PTPRD: variants seen among roughly 807,000 people sequenced by gnomAD.
PTPRD encodes receptor-type tyrosine-protein phosphatase delta.
A neutral mutation model predicts 214.5 loss-of-function variants in PTPRD; 34 were observed. That is an observed-to-expected ratio of 0.16 (90% CI 0.12 to 0.21). The LOEUF (loss-of-function observed/expected upper bound fraction) is 0.21, where lower values mean the gene tolerates loss of function less well. PTPRD is among the 10% of genes least tolerant of loss of function. The probability of loss-of-function intolerance (pLI) is 1.00; values close to 1 mark genes in which losing one functional copy is unlikely to be tolerated. For missense variants in PTPRD, 2,545 were observed against 2,398.7 expected, an observed-to-expected ratio of 1.06 and a Z score of -1.27; for synonymous variants, 1,128 against 845.7, an observed-to-expected ratio of 1.33 and a Z score of -5.79.
intron 3 of PTPRD, among the ~76,000 whole-genome samples, chr9:10,206,375 T>C (rs565482188): frequency 1.3e-5 from 2 of 152,226 alleles, no homozygotes; most frequent in South Asian, 2.1e-4. Context: ...TCATCTGGAG[T>C]AATCAAGCAA....
At chr9:10,502,045 G>A (rs537686645) in intron 2 of PTPRD, among the ~76,000 whole-genome samples, 80 of 151,800 alleles carry the variant, frequency 5.3e-4, no homozygotes, top group African/African-American at 1.9e-3. Context: ...GAAGAAAATC[G>A]AGCTTAATTT....
rs1432474564 is a variant in PTPRD, at chr9:10,573,795, A to G, written c.-600+38603T>C. On this transcript the variant is annotated intron_variant, in intron 2 of 45. Coordinates refer to ENST00000381196, the MANE Select transcript of PTPRD (RefSeq NM_002839.4). ...AGTTGAAGGAGTAGGAAAGAGAAGA[A>G]AGGCAAATGTGAGAGAAGCGGAATT... 6.6e-5 allele frequency among the ~76,000 whole-genome samples: 10 copies of G among 152,308 alleles called. No homozygotes were observed. In the East Asian group the frequency reaches 1.9e-3, roughly 29 times the overall value.
chr9:10,081,759 C>T (rs570865219), intron 3 of PTPRD, among the ~76,000 whole-genome samples: 166 of 152,110 alleles, frequency 1.1e-3, no homozygotes, highest in African/African-American at 3.6e-3. Context: ...TTGGTTTTCA[C>T]GTTTTGGTGT....
At chr9:10,036,506 G>GCACAAA (rs371291088) in intron 3 of PTPRD, among the ~76,000 whole-genome samples, 41 of 142,096 alleles carry the variant, frequency 2.9e-4, no homozygotes, top group African/African-American at 1.0e-3. Context: ...ACACACTCAT[G>GCACAAA]CACACACACA....
chr9:9,448,637 T>A (rs1312297161), intron 8 of PTPRD, among the ~76,000 whole-genome samples: 1 of 152,026 alleles, frequency 6.6e-6, no homozygotes, highest in African/African-American at 2.4e-5. Flanking sequence ...ATTCACTGGA[T>A]GCCCTGCTCT....
At chr9:8,500,703 G>C (rs1286363433) in intron 24 of PTPRD, 51 bp downstream of exon 24, 1 of 1,566,322 alleles carries the variant, frequency 6.4e-7, no homozygotes, top group African/African-American at 1.4e-5. Flanking sequence ...AAAGACAGCA[G>C]ATCAAGACTG....
intron 11 of PTPRD, among the ~76,000 whole-genome samples, chr9:9,016,512 G>C (rs2099535900): frequency 6.6e-6 from 1 of 152,066 alleles, no homozygotes; most frequent in Non-Finnish European, 1.5e-5. Flanking sequence ...GCCTAGTACT[G>C]GTTAAAATCG....
intron 12 of PTPRD, among the ~76,000 whole-genome samples, chr9:8,638,396 CCTAT>C (rs2096494366): frequency 6.6e-6 from 1 of 152,146 alleles, no homozygotes; most frequent in Admixed American, 6.5e-5. Context: ...AAGCCGGATT[CCTAT>C]CTAAGCTCCA....
intron 2 of PTPRD, among the ~76,000 whole-genome samples, chr9:10,580,407 T>C (rs1323136977): frequency 6.6e-6 from 1 of 152,220 alleles, no homozygotes; most frequent in African/African-American, 2.4e-5. Flanking sequence ...AAAGTATAAG[T>C]CTATGTGCCT....
chr9:9,696,355 A>G (rs771732784), intron 7 of PTPRD, among the ~76,000 whole-genome samples: 1 of 152,252 alleles, frequency 6.6e-6, no homozygotes, highest in Middle Eastern at 3.4e-3. Context: ...ATGTTTCTTC[A>G]TTGACCTTCT....
intron 9 of PTPRD, among the ~76,000 whole-genome samples, chr9:9,353,013 G>A (rs1457228440): frequency 6.6e-6 from 1 of 151,868 alleles, no homozygotes; most frequent in Non-Finnish European, 1.5e-5. Flanking sequence ...TATTTTCAAT[G>A]ATAAAATTTG....
At chr9:9,969,611 A>T (rs1460936252) in intron 4 of PTPRD, among the ~76,000 whole-genome samples, 1 of 152,192 alleles carries the variant, frequency 6.6e-6, no homozygotes, top group African/African-American at 2.4e-5. Context: ...ACAGAATGAG[A>T]TCAAAGAACA....
intron 18 of PTPRD, 61 bp downstream of exon 18, chr9:8,524,864 G>T (rs887893635): frequency 2.2e-6 from 3 of 1,344,958 alleles, no homozygotes; most frequent in African/African-American, 1.4e-5. Flanking sequence ...CGGACCCTGC[G>T]GCGTCTCAAC....
intron 8 of PTPRD, among the ~76,000 whole-genome samples, chr9:9,531,746 T>C (rs2075522096): frequency 6.6e-6 from 1 of 152,166 alleles, no homozygotes; most frequent in Non-Finnish European, 1.5e-5. Flanking sequence ...AGGTTTTGTT[T>C]GAACACCTAT....
At chr9:9,403,402 T>A (rs10759061) in intron 8 of PTPRD, among the ~76,000 whole-genome samples, 150,972 of 151,396 alleles carry the variant, frequency 1, 75,275 homozygotes, top group Middle Eastern at 1. Flanking sequence ...CTAAATATTG[T>A]TATATTTTCT....
At chr9:10,125,206 T>C (rs908437927) in intron 3 of PTPRD, among the ~76,000 whole-genome samples, 4 of 151,658 alleles carry the variant, frequency 2.6e-5, no homozygotes, top group African/African-American at 9.7e-5. Context: ...TATAATCAAT[T>C]ACCTTTATTA....
At chr9:9,303,479 T>G (rs1235122722) in intron 9 of PTPRD, among the ~76,000 whole-genome samples, 1 of 152,034 alleles carries the variant, frequency 6.6e-6, no homozygotes, top group Admixed American at 6.6e-5. Context: ...AGTTATGCCG[T>G]AATAACAATA....
chr9:9,202,410 G>C, intron 9 of PTPRD, among the ~76,000 whole-genome samples: 1 of 152,154 alleles, frequency 6.6e-6, no homozygotes, highest in Non-Finnish European at 1.5e-5. Context: ...AGACATTAAA[G>C]CTGTCCCTGA....
intron 9 of PTPRD, among the ~76,000 whole-genome samples, chr9:9,242,670 G>C (rs1027500633): frequency 2.6e-5 from 4 of 152,106 alleles, no homozygotes; most frequent in Non-Finnish European, 5.9e-5. Flanking sequence ...CGTAGTTCTT[G>C]TGCCATGGTT....
Sources: gnomAD v4.1 joint callset for allele counts (sites outside exome capture counted in the v4.1 genomes callset) on GRCh38, gnomAD v4.1.1 for gene constraint, MANE v1.5 for transcripts, NCBI Gene and HGNC (gene_info 2026-07-23, HGNC 2026-07-21) for gene names.